HDAC9: variants seen among roughly 807,000 people sequenced by gnomAD.
HDAC9 encodes histone deacetylase 9.
Under a neutral mutation model 139.4 loss-of-function variants are expected in HDAC9, and 41 were observed. That is an observed-to-expected ratio of 0.29 (90% CI 0.23 to 0.38). The LOEUF (loss-of-function observed/expected upper bound fraction) is 0.38. Ranked by LOEUF, HDAC9 falls within the 10% of genes least tolerant of loss-of-function variation. The pLI, the probability that HDAC9 is intolerant of heterozygous loss-of-function variation, is 1.00. For synonymous variants in HDAC9, 517 were observed against 476.2 expected (o/e 1.09, Z -1.12); for missense variants, 1,147 against 1,297.0 (o/e 0.88, Z 1.78).
At chr7:18,932,848 A>AGAAAGAAAGAAAGAAAGAAAG in intron 22 of HDAC9, among the ~76,000 whole-genome samples, 1 of 138,322 alleles carries the variant, frequency 7.2e-6, no homozygotes, top group East Asian at 2.1e-4. Context: ...AGGAAGGAAA[A>AGAAAGAAAGAAAGAAAGAAAG]AAAGAAAGAA....
At chr7:18,344,986 T>A (rs956168342) in intron 1 of HDAC9, among the ~76,000 whole-genome samples, 4 of 151,900 alleles carry the variant, frequency 2.6e-5, no homozygotes, top group African/African-American at 9.7e-5. Context: ...TAATCGGGAT[T>A]TGGATGATCT....
At chr7:18,447,225 A>T (rs1194325550) in intron 1 of HDAC9, among the ~76,000 whole-genome samples, 12 of 152,210 alleles carry the variant, frequency 7.9e-5, no homozygotes, top group African/African-American at 2.9e-4. Context: ...AAAATTATTT[A>T]TGATGAAATA....
At chr7:18,914,958 T>C (rs952437232) in intron 22 of HDAC9, among the ~76,000 whole-genome samples, 2 of 152,060 alleles carry the variant, frequency 1.3e-5, no homozygotes, top group Non-Finnish European at 2.9e-5. Context: ...AAACATGATT[T>C]TGGGGACTAA....
chr7:18,098,473 T>A (rs1168116890), intron 1 of HDAC9, among the ~76,000 whole-genome samples: 1 of 152,230 alleles, frequency 6.6e-6, no homozygotes, highest in Non-Finnish European at 1.5e-5. Flanking sequence ...TGTTGTCTTA[T>A]GTGGCAGAAT....
chr7:18,489,696 A>G (rs1426754971), intron 1 of HDAC9, among the ~76,000 whole-genome samples: 2 of 152,060 alleles, frequency 1.3e-5, no homozygotes, highest in Non-Finnish European at 1.5e-5. Context: ...TTGATATTCA[A>G]TATATGAAAT....
intron 22 of HDAC9, among the ~76,000 whole-genome samples, chr7:18,902,336 A>G (rs1801804203): frequency 6.6e-6 from 1 of 152,190 alleles, no homozygotes; most frequent in Admixed American, 6.5e-5. Flanking sequence ...ATGTGTCCTT[A>G]GGAGAGTCAT....
intron 19 of HDAC9, among the ~76,000 whole-genome samples, chr7:18,833,188 A>G (rs1795986637): frequency 1.3e-5 from 2 of 152,240 alleles, no homozygotes; most frequent in African/African-American, 4.8e-5. Flanking sequence ...TTTTAATAAT[A>G]ATGTCTGTTG....
At chr7:18,572,656 G>A (rs1053695082) in intron 2 of HDAC9, among the ~76,000 whole-genome samples, 1 of 151,914 alleles carries the variant, frequency 6.6e-6, no homozygotes, top group African/African-American at 2.4e-5. Context: ...ATCTTCTCAA[G>A]ATTTCATTTT....
intron 1 of HDAC9, among the ~76,000 whole-genome samples, chr7:18,145,974 T>C (rs549503904): frequency 6.6e-6 from 1 of 152,174 alleles, no homozygotes; most frequent in Admixed American, 6.5e-5. Flanking sequence ...GATATTTCTC[T>C]GGAAAAAGGG....
chr7:18,858,371 C>G (rs1291751438), intron 21 of HDAC9, among the ~76,000 whole-genome samples: 1 of 152,126 alleles, frequency 6.6e-6, no homozygotes, highest in Non-Finnish European at 1.5e-5. Flanking sequence ...GGCACCTCTT[C>G]ACGAGGCAGC....
At chr7:18,857,188 T>C (rs912604217) in intron 21 of HDAC9, among the ~76,000 whole-genome samples, 1 of 152,116 alleles carries the variant, frequency 6.6e-6, no homozygotes, top group African/African-American at 2.4e-5. Flanking sequence ...CACTGAATAA[T>C]TGCTTCTCTT....
At chr7:18,443,912 C>T (rs1265327670) in intron 1 of HDAC9, among the ~76,000 whole-genome samples, 1 of 150,846 alleles carries the variant, frequency 6.6e-6, no homozygotes, top group Non-Finnish European at 1.5e-5. Context: ...TATAAACATA[C>T]ATTTGTATTA....
intron 1 of HDAC9, among the ~76,000 whole-genome samples, chr7:18,123,480 A>T (rs1784477015): frequency 1.3e-5 from 2 of 152,182 alleles, no homozygotes; most frequent in Admixed American, 6.5e-5. Context: ...ACCATATCGT[A>T]CAATTTCTGC....
At chr7:18,813,522 G>A (rs117728577) in intron 17 of HDAC9, among the ~76,000 whole-genome samples, 2,682 of 152,218 alleles carry the variant, frequency 0.018, 30 homozygotes, top group Non-Finnish European at 0.028. Context: ...GACAACAGGG[G>A]CACATTTATT....
At chr7:18,491,043 G>A (rs577928543), upstream of HDAC9, among the ~76,000 whole-genome samples, 2 of 152,008 alleles carry the variant, frequency 1.3e-5, no homozygotes, top group Admixed American at 6.6e-5. Flanking sequence ...ATATATCATT[G>A]TGGTAGAATA....
At chr7:18,277,305 G>C (rs1286160258) in intron 2 of HDAC9, among the ~76,000 whole-genome samples, 1 of 152,172 alleles carries the variant, frequency 6.6e-6, no homozygotes, top group Non-Finnish European at 1.5e-5. Flanking sequence ...AAGTGGTCAA[G>C]CTGGCAGAGA....
intron 1 of HDAC9, among the ~76,000 whole-genome samples, chr7:18,352,429 T>C (rs182842172): frequency 2.6e-5 from 4 of 152,270 alleles, no homozygotes; most frequent in Admixed American, 1.3e-4. Flanking sequence ...AAAATTGCAA[T>C]GAAGATTACT....
At chr7:18,629,202 A>G in intron 6 of HDAC9, 148 bp from the exon 7 acceptor site, 1 of 605,456 alleles carries the variant, frequency 1.7e-6, no homozygotes, top group Non-Finnish European at 2.7e-6. Context: ...TGTAGAGTCA[A>G]TGCCTCATTT....
intron 1 of HDAC9, among the ~76,000 whole-genome samples, chr7:18,463,836 G>GT (rs1448576304): frequency 1.2e-4 from 18 of 151,974 alleles, no homozygotes; most frequent in African/African-American, 4.1e-4. Flanking sequence ...ACTTATGAGT[G>GT]TAATACTTGT....
Sources: allele counts gnomAD v4.1 joint callset (sites outside exome capture counted in the v4.1 genomes callset), GRCh38; gene constraint gnomAD v4.1.1; transcripts MANE v1.5; gene names NCBI Gene and HGNC (gene_info 2026-07-23, HGNC 2026-07-21).